The following VPS35L variants were observed in gnomAD, a reference collection of about 807,000 sequenced individuals.
VPS35L encodes VPS35 endosomal protein-sorting factor-like.
Under a neutral mutation model 133.0 loss-of-function variants are expected in VPS35L, and 83 were observed. The ratio of observed to expected loss-of-function variants is 0.62; its 90% CI spans 0.52 to 0.75. VPS35L has a LOEUF of 0.75. Ranked by LOEUF, VPS35L falls within the 30% of genes least tolerant of loss-of-function variation. The pLI, the probability that VPS35L is intolerant of heterozygous loss-of-function variation, is 0.00. For missense variants in VPS35L, 1,083 were observed against 1,206.8 expected (o/e 0.90, Z 1.52); for synonymous variants, 423 against 449.9 (o/e 0.94, Z 0.76).
chr16:19,662,293 T>C (rs1454763689), intron 26 of VPS35L, among the ~76,000 whole-genome samples: 1 of 151,832 alleles, frequency 6.6e-6, no homozygotes, highest in Non-Finnish European at 1.5e-5. Context: ...TCACCTGAGG[T>C]CAGGGGTTCG....
At position 19,640,119 on chromosome 16, in the gene VPS35L, A is replaced by T. The variant is rs911581591; in HGVS notation, c.1784+19A>T. The stretch of plus-strand genomic sequence containing the variant: ...TTATCAAGTGAGTGCCACTGCGTGC[A>T]GCAGAAGCCTTGATTCCCAATGTCC... On this transcript the variant is annotated intron_variant, in intron 21 of 30. Coordinates refer to ENST00000417362, the MANE Select transcript of VPS35L (RefSeq NM_020314.7). 1 of 1,605,016 alleles carries T rather than the reference A, an allele frequency of 6.2e-7. No homozygotes were observed. The highest frequency in any genetic ancestry group is 1.7e-5 in the Admixed American group (1 of 59,502).
intron 7 of VPS35L, among the ~76,000 whole-genome samples, chr16:19,590,148 C>T (rs1259284778): frequency 8.9e-6 from 1 of 112,142 alleles, no homozygotes; most frequent in Admixed American, 8.8e-5. Context: ...CGCCCCCCCC[C>T]CCCCCCCCAC....
chr16:19,699,379 C>CGTG lies in VPS35L; in HGVS notation c.2647-123_2647-122insGTG, dbSNP rs1976027213. On this transcript the variant is annotated intron_variant, in intron 29 of 30. Transcript: ENST00000417362. This position sits in a 1 kb window ranked among gnomAD's most constrained non-coding sequence, Gnocchi z 4.2. ...TCAGCAGCTTGCCCTACAGCAAATA[C>CGTG]ATGGCAGAGCTGGCACTGGAACTCA... 3.2e-6 allele frequency: 4 copies of CGTG among 1,243,730 alleles called. No individual in the cohort carries two copies. In the East Asian group the frequency reaches 1.0e-4, roughly 32 times the overall value. The allele number at this position is 1,243,730 out of a possible 1,614,324, so 77.0% of individuals were successfully genotyped here. A position where few individuals can be genotyped will look rare whatever the true frequency, so the allele number is the denominator to read the frequency against.
At chr16:19,624,189 C>T (rs1037347617) in intron 14 of VPS35L, among the ~76,000 whole-genome samples, 2 of 143,866 alleles carry the variant, frequency 1.4e-5, no homozygotes, top group Non-Finnish European at 3.0e-5. Context: ...AATCACAGCT[C>T]ACTGCAGCCT....
At chr16:19,576,588 G>A (rs558031986) in intron 5 of VPS35L, among the ~76,000 whole-genome samples, 51 of 152,124 alleles carry the variant, frequency 3.4e-4, no homozygotes, top group Non-Finnish European at 7.2e-4. Flanking sequence ...AGCAACTGAC[G>A]GATCATGTGC....
chr16:19,591,751 A>G, intron 7 of VPS35L, 39 bp from the exon 8 acceptor site: 1 of 1,483,498 alleles, frequency 6.7e-7, no homozygotes, highest in Non-Finnish European at 9.4e-7. Flanking sequence ...CATACCAGAC[A>G]TGCCAGAGTG....
intron 1 of VPS35L, among the ~76,000 whole-genome samples, chr16:19,559,481 T>C (rs911288468): frequency 6.6e-6 from 1 of 152,156 alleles, no homozygotes; most frequent in African/African-American, 2.4e-5. Context: ...TTATATCAAC[T>C]ATGTTAGCAA....
At chr16:19,623,769 A>ATTT (rs1163490464) in intron 14 of VPS35L, among the ~76,000 whole-genome samples, 2 of 29,328 alleles carry the variant, frequency 6.8e-5, no homozygotes, top group African/African-American at 1.2e-4. Context: ...TTATTTATTT[A>ATTT]TTATTATTAT....
intron 24 of VPS35L, among the ~76,000 whole-genome samples, chr16:19,648,874 CAAA>C (rs552677405): frequency 0.048 from 4,402 of 91,826 alleles, 126 homozygotes; most frequent in African/African-American, 0.12. Flanking sequence ...GACTCCATCT[CAAA>C]AAAAAAAAAA....
intron 18 of VPS35L, among the ~76,000 whole-genome samples, chr16:19,632,855 T>A (rs905916337): frequency 7.9e-5 from 12 of 152,250 alleles, no homozygotes; most frequent in Non-Finnish European, 1.5e-4. Flanking sequence ...AGAGACAATG[T>A]AAAGCCCCAG....
At chr16:19,669,978 G>A (rs1279297566) in intron 27 of VPS35L, among the ~76,000 whole-genome samples, 2 of 151,460 alleles carry the variant, frequency 1.3e-5, no homozygotes, top group South Asian at 4.2e-4. Context: ...GCCTTTTTGT[G>A]TGTTTGTTTA....
At chr16:19,635,867 T>A (rs1334676867) in intron 19 of VPS35L, among the ~76,000 whole-genome samples, 2 of 152,168 alleles carry the variant, frequency 1.3e-5, no homozygotes, top group Non-Finnish European at 2.9e-5. Flanking sequence ...TCAGCTTTTC[T>A]GCAAGTCTGA....
chr16:19,607,943 A>G, intron 9 of VPS35L: 1 of 481,042 alleles, frequency 2.1e-6, no homozygotes, highest in Non-Finnish European at 3.7e-6. Flanking sequence ...GAGGGTTGCT[A>G]TATGGGATCA....
intron 19 of VPS35L, among the ~76,000 whole-genome samples, chr16:19,634,297 C>T (rs561212281): frequency 8.6e-5 from 13 of 151,406 alleles, no homozygotes; most frequent in East Asian, 3.9e-4. Flanking sequence ...ATTAGCCATG[C>T]GTGGTGGTGC....
rs771763824 is a variant in VPS35L at position 19,564,907 on chromosome 16, T to C, written c.74T>C (p.Val25Ala). The C allele has an allele frequency of 1.2e-6, 2 of 1,613,726 alleles. No homozygotes were observed. Among genetic ancestry groups the C allele is most frequent in the Non-Finnish European group, 8.5e-7 (1 of 1,179,700 alleles). Residue 25 changes from valine to alanine, a missense_variant, in exon 2 of 31, where the codon GTA (valine) becomes GCA (alanine). Transcript: ENST00000417362. Reference protein sequence around the residue: ...AEFASCRLEAVPLEFGDYHPL... With the variant: ...AEFASCRLEAAPLEFGDYHPL... ...TTTGCATCATGCCGACTGGAGGCTG[T>C]ACCATTGGAGTTTGGGGACTATCAC...
intron 8 of VPS35L, among the ~76,000 whole-genome samples, chr16:19,595,601 GACACTGATTA>G (rs1253471693): frequency 6.6e-6 from 1 of 152,112 alleles, no homozygotes; most frequent in African/African-American, 2.4e-5. Context: ...TTAACTCTGA[GACACTGATTA>G]GCTCTATCCT....
intron 24 of VPS35L, among the ~76,000 whole-genome samples, chr16:19,648,427 T>C (rs921355335): frequency 1.3e-5 from 2 of 152,222 alleles, no homozygotes; most frequent in Non-Finnish European, 2.9e-5. Context: ...GTAAGTGATT[T>C]ACAATGATTA....
At chr16:19,692,079 T>C (rs750790402) in intron 29 of VPS35L, among the ~76,000 whole-genome samples, 7 of 152,126 alleles carry the variant, frequency 4.6e-5, no homozygotes, top group Non-Finnish European at 8.8e-5. Flanking sequence ...GGTTTCACTA[T>C]GTTGGCCAGG....
At chr16:19,672,795 T>A (rs1974921109) in intron 27 of VPS35L, among the ~76,000 whole-genome samples, 3 of 151,920 alleles carry the variant, frequency 2.0e-5, no homozygotes, top group African/African-American at 7.3e-5. Context: ...ATTTATCAAG[T>A]GAGAAGGCAA....
Sources: gnomAD v4.1 joint callset for allele counts (sites outside exome capture counted in the v4.1 genomes callset) on GRCh38, gnomAD v4.1.1 for gene constraint, Gnocchi (gnomAD v3.1) non-coding constraint, MANE v1.5 for transcripts, NCBI Gene and HGNC (gene_info 2026-07-23, HGNC 2026-07-21) for gene names.